Variants in MTUS2 observed in about 807,000 individuals in gnomAD.
The protein encoded by MTUS2 is microtubule-associated tumor suppressor candidate 2.
In MTUS2, 40 loss-of-function variants were observed where a neutral mutation model predicts 114.1. The ratio of observed to expected loss-of-function variants is 0.35; its 90% CI spans 0.27 to 0.46. The LOEUF is 0.46. MTUS2 is among the 20% of genes least tolerant of loss of function. MTUS2 has a pLI of 1.00. For missense variants in MTUS2, 1,679 were observed against 1,705.4 expected (o/e 0.98, Z 0.27); for synonymous variants, 688 against 672.0 (o/e 1.02, Z -0.37).
intron 2 of MTUS2, among the ~76,000 whole-genome samples, chr13:28,986,299 G>C (rs186443301): frequency 6.6e-6 from 1 of 152,262 alleles, no homozygotes; most frequent in Non-Finnish European, 1.5e-5. Context: ...TCTTGAGGGT[G>C]ATGGTGATTC....
At chr13:29,298,939 C>T (rs1328724910) in intron 6 of MTUS2, among the ~76,000 whole-genome samples, 9 of 152,082 alleles carry the variant, frequency 5.9e-5, no homozygotes, top group Non-Finnish European at 8.8e-5. Flanking sequence ...CTATGCTGAC[C>T]GTGGTCTCCC....
chr13:28,997,554 C>G (rs895920163), intron 2 of MTUS2, among the ~76,000 whole-genome samples: 3 of 152,108 alleles, frequency 2.0e-5, no homozygotes, highest in Non-Finnish European at 4.4e-5. Flanking sequence ...TAAGGACTTG[C>G]TTTATGAATC....
At chr13:29,394,419 T>C (rs576617429) in intron 8 of MTUS2, among the ~76,000 whole-genome samples, 20 of 152,302 alleles carry the variant, frequency 1.3e-4, no homozygotes, top group African/African-American at 4.8e-4. Flanking sequence ...AGAGTTTAAG[T>C]TACTATCTAA....
chr13:29,044,904 A>T (rs1887545556), intron 4 of MTUS2, among the ~76,000 whole-genome samples: 2 of 152,172 alleles, frequency 1.3e-5, no homozygotes. Flanking sequence ...TGCTTGTGGT[A>T]CTAGAGTCCT....
At chr13:28,981,836 CAG>C (rs1593353909) in intron 2 of MTUS2, among the ~76,000 whole-genome samples, 2 of 152,272 alleles carry the variant, frequency 1.3e-5, no homozygotes, top group East Asian at 3.9e-4. Context: ...ATGCTAAGGT[CAG>C]GGGTTCAGGA....
chr13:29,320,240 C>T (rs1900197918), intron 6 of MTUS2, among the ~76,000 whole-genome samples: 1 of 152,086 alleles, frequency 6.6e-6, no homozygotes, highest in South Asian at 2.1e-4. Flanking sequence ...AAGGGGCCAC[C>T]AGCCAAGGAA....
At chr13:28,835,357 T>A (rs1042132126) in intron 1 of MTUS2, among the ~76,000 whole-genome samples, 1 of 152,216 alleles carries the variant, frequency 6.6e-6, no homozygotes, top group Admixed American at 6.5e-5. Flanking sequence ...CTGGTACAGA[T>A]GGCTGAACTT....
At chr13:28,965,357 A>G (rs1009982951) in intron 2 of MTUS2, among the ~76,000 whole-genome samples, 1 of 152,044 alleles carries the variant, frequency 6.6e-6, no homozygotes, top group Admixed American at 6.5e-5. Flanking sequence ...CAGTGTTTGG[A>G]TTCTAAAGGG....
At chr13:29,246,936 A>C (rs1263015802) in intron 5 of MTUS2, among the ~76,000 whole-genome samples, 1 of 152,172 alleles carries the variant, frequency 6.6e-6, no homozygotes, top group Non-Finnish European at 1.5e-5. Context: ...TATGGAGCCA[A>C]AAAAGAGCCT....
chr13:29,011,689 C>T (rs1885850365), intron 2 of MTUS2, among the ~76,000 whole-genome samples: 1 of 152,224 alleles, frequency 6.6e-6, no homozygotes, highest in East Asian at 1.9e-4. Flanking sequence ...TATTCCAAGC[C>T]TGCTGATCCA....
At chr13:28,854,811 G>C (rs1876516415) in intron 2 of MTUS2, among the ~76,000 whole-genome samples, 1 of 152,178 alleles carries the variant, frequency 6.6e-6, no homozygotes. Context: ...GGAGGAGCCA[G>C]AGAATGTCTT....
At chr13:29,303,830 G>C (rs1899314641) in intron 6 of MTUS2, among the ~76,000 whole-genome samples, 1 of 152,004 alleles carries the variant, frequency 6.6e-6, no homozygotes, top group Non-Finnish European at 1.5e-5. Flanking sequence ...CCAAGACACA[G>C]AATCATCAGA....
At chr13:29,427,799 A>G (rs988058863) in intron 8 of MTUS2, among the ~76,000 whole-genome samples, 8 of 152,272 alleles carry the variant, frequency 5.3e-5, no homozygotes, top group African/African-American at 1.9e-4. Context: ...TCTAAACATG[A>G]GAAATTTCAA....
chr13:29,299,867 A>G (rs1899117633), intron 6 of MTUS2, among the ~76,000 whole-genome samples: 1 of 124,526 alleles, frequency 8.0e-6, no homozygotes, highest in African/African-American at 3.1e-5. Context: ...GACAGCATGA[A>G]AAAAAAAATT....
At chr13:29,097,596 A>G (rs886794583) in intron 4 of MTUS2, among the ~76,000 whole-genome samples, 3 of 152,222 alleles carry the variant, frequency 2.0e-5, no homozygotes, top group Non-Finnish European at 4.4e-5. Context: ...ACAAAGTACC[A>G]TAGACAGTGT....
intron 5 of MTUS2, among the ~76,000 whole-genome samples, chr13:29,166,304 C>T (rs1893313655): frequency 6.6e-6 from 1 of 152,206 alleles, no homozygotes; most frequent in South Asian, 2.1e-4. Context: ...AACAGGCCAA[C>T]ATGGAGAACT....
chr13:29,078,865 T>G (rs535140196), intron 4 of MTUS2, among the ~76,000 whole-genome samples: 14 of 152,372 alleles, frequency 9.2e-5, no homozygotes, highest in South Asian at 2.1e-4. Flanking sequence ...TTCCAACTTT[T>G]GTCTCTTATG....
chr13:28,967,085 C>T (rs1415420179), intron 2 of MTUS2, among the ~76,000 whole-genome samples: 1 of 152,182 alleles, frequency 6.6e-6, no homozygotes, highest in Non-Finnish European at 1.5e-5. Context: ...ACAAGACTTA[C>T]CAGGCACTAT....
intron 3 of MTUS2, among the ~76,000 whole-genome samples, chr13:29,028,553 G>A (rs1028225703): frequency 6.6e-6 from 1 of 151,540 alleles, no homozygotes; most frequent in Admixed American, 6.6e-5. Context: ...ACCTCCCTCT[G>A]CTTGGAATGT....
Sources: allele counts gnomAD v4.1 joint callset (sites outside exome capture counted in the v4.1 genomes callset), GRCh38; gene constraint gnomAD v4.1.1; transcripts MANE v1.5; gene names NCBI Gene and HGNC (gene_info 2026-07-23, HGNC 2026-07-21).